PLCG2: variants seen among roughly 807,000 people sequenced by gnomAD.
PLCG2 encodes phospholipase C gamma 2.
PLCG2 carries 69 observed loss-of-function variants against 175.6 expected under a neutral mutation model. That is an observed-to-expected ratio of 0.39 (90% confidence interval 0.32 to 0.48). The LOEUF (loss-of-function observed/expected upper bound fraction) is 0.48. Among genes scored for constraint, PLCG2 ranks in the 20% least tolerant of loss-of-function variants. The pLI is 0.91. For synonymous variants in PLCG2, 827 were observed against 624.0 expected (o/e 1.33, Z -4.85); for missense variants, 1,798 against 1,650.9 (o/e 1.09, Z -1.54).
At chr16:81,913,820 C>G (rs1431459070) in intron 19 of PLCG2, among the ~76,000 whole-genome samples, 1 of 152,178 alleles carries the variant, frequency 6.6e-6, no homozygotes, top group Admixed American at 6.5e-5. Context: ...CAGGCTGCCC[C>G]CTGGGCGTTT....
At chr16:81,812,856 G>A (rs1214063518) in intron 2 of PLCG2, among the ~76,000 whole-genome samples, 1 of 152,110 alleles carries the variant, frequency 6.6e-6, no homozygotes, top group African/African-American at 2.4e-5. Flanking sequence ...TTTGTATAAG[G>A]TGTAAGGAAG....
intron 2 of PLCG2, among the ~76,000 whole-genome samples, chr16:81,839,920 G>A (rs1486864363): frequency 2.6e-5 from 4 of 152,154 alleles, no homozygotes; most frequent in South Asian, 2.1e-4. Flanking sequence ...GTGTGATGGT[G>A]CATGCCTGTA....
At chr16:81,757,896 C>T (rs923312410) in intron 2 of PLCG2, among the ~76,000 whole-genome samples, 1 of 152,074 alleles carries the variant, frequency 6.6e-6, no homozygotes, top group Non-Finnish European at 1.5e-5. Context: ...ATTTCATGTA[C>T]ATAGAATCAT....
intron 30 of PLCG2, among the ~76,000 whole-genome samples, chr16:81,943,023 G>C (rs1032591482): frequency 6.6e-6 from 1 of 152,146 alleles, no homozygotes; most frequent in Non-Finnish European, 1.5e-5. Context: ...TGAGGGCAGA[G>C]CTCATGTCTC....
intron 2 of PLCG2, among the ~76,000 whole-genome samples, chr16:81,844,592 G>A (rs1906014458): frequency 6.6e-6 from 1 of 152,200 alleles, no homozygotes; most frequent in East Asian, 1.9e-4. Context: ...AAATCGCTGG[G>A]ATTACCGGCG....
chr16:81,767,669 G>C (rs144557680), intron 2 of PLCG2: 1 of 151,502 alleles, frequency 6.6e-6, no homozygotes, highest in East Asian at 1.9e-4. Flanking sequence ...TATAAGTTTT[G>C]TCAAATATGT....
intron 14 of PLCG2, among the ~76,000 whole-genome samples, chr16:81,902,956 C>T (rs950913274): frequency 2.0e-5 from 3 of 152,122 alleles, no homozygotes; most frequent in African/African-American, 7.2e-5. Flanking sequence ...ACGTGAAAGG[C>T]CCGCCCCCAT....
chr16:81,811,230 G>A (rs112987269), intron 2 of PLCG2, among the ~76,000 whole-genome samples: 50 of 152,306 alleles, frequency 3.3e-4, no homozygotes, highest in African/African-American at 1.1e-3. Flanking sequence ...GTCTGCATCT[G>A]TCAAATGGGC....
chr16:81,859,092 C>A (rs1420798978), intron 4 of PLCG2, 24 bp from the exon 5 acceptor site: 1 of 1,468,166 alleles, frequency 6.8e-7, no homozygotes, highest in Non-Finnish European at 9.6e-7. Flanking sequence ...TTCTCTCTTT[C>A]TTTTGTCTCA....
rs184710210 is a variant in PLCG2, at chr16:81,952,869, C to A, written c.3571-3826C>A. On this transcript the variant is annotated intron_variant, in intron 31 of 32. Transcript: ENST00000564138. ...TTTCCATTGTCCCAAAAGTGTCTTC[C>A]GCCAAGAAATTTATCAATTAGAAAG... is the stretch of plus-strand genomic sequence containing the variant. Among the ~76,000 whole-genome samples, 342 of 152,262 alleles carry A rather than the reference C, an allele frequency of 2.2e-3. 1 individual carries two copies. Among genetic ancestry groups the A allele is most frequent in the Non-Finnish European group, 4.0e-3 (271 of 68,018 alleles).
chr16:81,804,749 C>A lies in PLCG2; in HGVS notation c.193+18567C>A, dbSNP rs1033069005. 3.9e-5 allele frequency among the ~76,000 whole-genome samples: 6 copies of A among 152,304 alleles called. No individual in the cohort carries two copies. The East Asian group carries it at 1.2e-3, about 29-fold the overall frequency. On this transcript the variant is annotated intron_variant, in intron 2 of 32. Coordinates refer to ENST00000564138, the MANE Select transcript of PLCG2 (RefSeq NM_002661.5). The stretch of plus-strand genomic sequence containing the variant: ...GGAAATGCTTCTTCCTAACTGTCCA[C>A]TTTGAGCTCCTCTGCCTCCTCTTTG...
chr16:81,937,554 T>A (rs1179282224), intron 27 of PLCG2: 2 of 431,992 alleles, frequency 4.6e-6, no homozygotes, highest in African/African-American at 4.0e-5. Context: ...CGGGATTTGG[T>A]GACATACTTG....
In PLCG2 at chr16:81,962,642, C is replaced by T. The variant is rs1441360205; in HGVS notation, c.*4644C>T. The T allele has an allele frequency of 1.8e-5, 4 of 221,346 alleles. No individual in the cohort carries two copies. The highest frequency in any genetic ancestry group is 6.6e-5 in the East Asian group (1 of 15,072). 13.7% of individuals were successfully genotyped at this position (221,346 alleles called of 1,614,324 possible). A position where few individuals can be genotyped will look rare whatever the true frequency, so the allele number is the denominator to read the frequency against. On this transcript the variant is annotated 3_prime_UTR_variant, in exon 33 of 33. Transcript: ENST00000564138. ...GGCTGTTGTTAATGTGAAAATTAAA[C>T]AGCTGTATCACATTTTGAAAAATAA...
chr16:81,953,732 A>C (rs1241887662), intron 31 of PLCG2, among the ~76,000 whole-genome samples: 1 of 152,210 alleles, frequency 6.6e-6, no homozygotes, highest in East Asian at 1.9e-4. Context: ...GTTATTCACT[A>C]AACTGTTTCT....
intron 21 of PLCG2, 57 bp from the exon 22 acceptor site, chr16:81,923,428 C>T (rs551217821): frequency 1.9e-5 from 20 of 1,067,622 alleles, no homozygotes; most frequent in Admixed American, 1.7e-4. Flanking sequence ...GGAACGCAGC[C>T]GCCTCCCTCC....
At chr16:81,756,824 G>A (rs1909938995) in intron 2 of PLCG2, among the ~76,000 whole-genome samples, 1 of 152,200 alleles carries the variant, frequency 6.6e-6, no homozygotes, top group South Asian at 2.1e-4. Context: ...TGAGCTTGCT[G>A]CCTTATCCTG....
At chr16:81,842,134 C>T (rs924836799) in intron 2 of PLCG2, among the ~76,000 whole-genome samples, 44 of 152,298 alleles carry the variant, frequency 2.9e-4, no homozygotes, top group African/African-American at 1.0e-3. Context: ...CCTGTGCACC[C>T]CTGGGGAGCA....
intron 27 of PLCG2, 32 bp from the exon 28 acceptor site, chr16:81,937,726 G>C (rs763046181): frequency 2.9e-5 from 47 of 1,606,744 alleles, no homozygotes; most frequent in Non-Finnish European, 3.4e-5. Context: ...GCTCATGCCT[G>C]ACTTACAGCA....
At chr16:81,799,746 C>G (rs1463174103) in intron 2 of PLCG2, among the ~76,000 whole-genome samples, 1 of 152,054 alleles carries the variant, frequency 6.6e-6, no homozygotes, top group African/African-American at 2.4e-5. Flanking sequence ...GCGCCCGCCA[C>G]CACACTTGGC....
Sources: allele counts gnomAD v4.1 joint callset (sites outside exome capture counted in the v4.1 genomes callset), GRCh38; gene constraint gnomAD v4.1.1; transcripts MANE v1.5; gene names NCBI Gene and HGNC (gene_info 2026-07-23, HGNC 2026-07-21).